Variants in CLSTN2 observed in about 807,000 individuals in gnomAD.
CLSTN2 encodes calsyntenin-2.
A neutral mutation model predicts 101.2 loss-of-function variants in CLSTN2; 48 were observed. The observed-to-expected ratio is 0.47, with a 90% confidence interval of 0.38 to 0.60. The LOEUF is 0.60. Ranked by LOEUF, CLSTN2 falls within the 20% of genes least tolerant of loss-of-function variation. The pLI is 0.00. For missense variants in CLSTN2, 1,160 were observed against 1,238.2 expected (o/e 0.94, Z 0.95); for synonymous variants, 481 against 463.6 (o/e 1.04, Z -0.48).
intron 7 of CLSTN2, among the ~76,000 whole-genome samples, chr3:140,461,674 G>A (rs1256116924): frequency 6.6e-6 from 1 of 152,094 alleles, no homozygotes; most frequent in African/African-American, 2.4e-5. Flanking sequence ...AAAATGTGTA[G>A]ATGCTAGAGC....
intron 8 of CLSTN2, among the ~76,000 whole-genome samples, chr3:140,498,722 C>G (rs1934515807): frequency 6.6e-6 from 1 of 152,122 alleles, no homozygotes; most frequent in African/African-American, 2.4e-5. Flanking sequence ...CTGGAGTGAC[C>G]CAGAGTGGCT....
intron 1 of CLSTN2, among the ~76,000 whole-genome samples, chr3:140,021,584 G>C: frequency 6.6e-6 from 1 of 152,110 alleles, no homozygotes; most frequent in East Asian, 1.9e-4. Context: ...ATGTGTCTCT[G>C]TATGCTGGGG....
chr3:140,442,925 G>T (rs995631867), intron 5 of CLSTN2, among the ~76,000 whole-genome samples: 1 of 151,810 alleles, frequency 6.6e-6, no homozygotes, highest in African/African-American at 2.4e-5. Context: ...CTGAGCAAAG[G>T]TACCCTCCTA....
intron 1 of CLSTN2, among the ~76,000 whole-genome samples, chr3:140,062,362 T>C (rs1335433697): frequency 6.6e-6 from 1 of 152,194 alleles, no homozygotes; most frequent in African/African-American, 2.4e-5. Context: ...TGAGATATTA[T>C]ATTGAAGTAT....
chr3:140,330,094 G>C (rs1362948593), intron 2 of CLSTN2, among the ~76,000 whole-genome samples: 1 of 152,164 alleles, frequency 6.6e-6, no homozygotes, highest in Non-Finnish European at 1.5e-5. Flanking sequence ...AACAGCTTTG[G>C]CTTCTCCTGG....
At chr3:140,537,855 T>C (rs1027319786) in intron 9 of CLSTN2, among the ~76,000 whole-genome samples, 5 of 152,200 alleles carry the variant, frequency 3.3e-5, no homozygotes, top group African/African-American at 1.2e-4. Context: ...ATCACCTGGG[T>C]ACTATAACCC....
intron 5 of CLSTN2, among the ~76,000 whole-genome samples, chr3:140,430,066 A>C (rs969842260): frequency 1.3e-5 from 2 of 152,206 alleles, no homozygotes; most frequent in African/African-American, 4.8e-5. Context: ...ATTTTACTAC[A>C]TGAAAGGCAT....
Position 140,142,409 on chromosome 3 carries a change from C to T in CLSTN2, c.110-33542C>T, listed in dbSNP as rs555285650. Among the ~76,000 whole-genome samples the T allele has an allele frequency of 2.6e-5, 4 of 152,274 alleles. No homozygotes were observed. The South Asian group carries it at 8.3e-4, about 32-fold the overall frequency. On this transcript the variant is annotated intron_variant, in intron 1 of 16. Transcript: ENST00000458420. ...TGTTCAGGCCCACACTGGGGCAGGC[C>T]TCTCAGTGAGAAGGCTTCGCACCAC...
chr3:140,389,176 T>A (rs1264403941), intron 2 of CLSTN2, among the ~76,000 whole-genome samples: 9 of 152,178 alleles, frequency 5.9e-5, no homozygotes, highest in African/African-American at 2.2e-4. Flanking sequence ...GTGCAGGAAG[T>A]GCAAGTTTGT....
intron 1 of CLSTN2, among the ~76,000 whole-genome samples, chr3:139,968,231 C>T (rs887598481): frequency 3.9e-5 from 6 of 152,104 alleles, no homozygotes; most frequent in African/African-American, 1.4e-4. Context: ...GTTCCAAGGA[C>T]TTTGTTCCCT....
intron 5 of CLSTN2, among the ~76,000 whole-genome samples, chr3:140,437,049 G>GT (rs1576567078): frequency 2.1e-5 from 2 of 97,504 alleles, no homozygotes; most frequent in African/African-American, 1.0e-4. Flanking sequence ...TGGGAGGTTT[G>GT]GTTTTTTTTT....
chr3:140,437,755 A>G (rs1352811064), intron 5 of CLSTN2, among the ~76,000 whole-genome samples: 3 of 152,220 alleles, frequency 2.0e-5, no homozygotes, highest in Non-Finnish European at 4.4e-5. Flanking sequence ...GACTGCCATG[A>G]TATTTTTAAT....
chr3:140,241,870 CATAT>C (rs72373622), intron 2 of CLSTN2, among the ~76,000 whole-genome samples: 37,024 of 131,616 alleles, frequency 0.28, 5,414 homozygotes, highest in Non-Finnish European at 0.34. Context: ...TATATATACA[CATAT>C]ATATATACAC....
chr3:140,449,161 G>T (rs1476499639), intron 6 of CLSTN2, among the ~76,000 whole-genome samples: 1 of 152,180 alleles, frequency 6.6e-6, no homozygotes, highest in Non-Finnish European at 1.5e-5. Flanking sequence ...AATTTGTGGG[G>T]CCCAGTGCAA....
chr3:140,291,751 G>T (rs771724178), intron 2 of CLSTN2, among the ~76,000 whole-genome samples: 20 of 151,742 alleles, frequency 1.3e-4, no homozygotes, highest in Non-Finnish European at 2.5e-4. Context: ...GAACTTTGCC[G>T]CCTCCTCACA....
At chr3:140,237,049 A>C (rs1053654453) in intron 2 of CLSTN2, among the ~76,000 whole-genome samples, 7 of 152,030 alleles carry the variant, frequency 4.6e-5, no homozygotes, top group African/African-American at 1.7e-4. Flanking sequence ...GACTCTTTGC[A>C]TGCCAAATAA....
intron 8 of CLSTN2, among the ~76,000 whole-genome samples, chr3:140,525,935 G>A (rs1576611880): frequency 6.6e-6 from 1 of 152,004 alleles, no homozygotes; most frequent in Non-Finnish European, 1.5e-5. Context: ...AATATTAAAG[G>A]CCATCTATGA....
chr3:139,992,767 T>A (rs992104132), intron 1 of CLSTN2, among the ~76,000 whole-genome samples: 101 of 152,214 alleles, frequency 6.6e-4, no homozygotes, highest in African/African-American at 2.3e-3. Context: ...AGCCAGGAGC[T>A]CTGGAGAGGA....
At chr3:140,252,633 G>T (rs2086573782) in intron 2 of CLSTN2, among the ~76,000 whole-genome samples, 2 of 152,150 alleles carry the variant, frequency 1.3e-5, no homozygotes, top group Non-Finnish European at 1.5e-5. Context: ...AAAATGTTAT[G>T]CATGTTGACA....
Sources: gnomAD v4.1 joint callset for allele counts (sites outside exome capture counted in the v4.1 genomes callset) on GRCh38, gnomAD v4.1.1 for gene constraint, MANE v1.5 for transcripts, NCBI Gene and HGNC (gene_info 2026-07-23, HGNC 2026-07-21) for gene names.